The following FHIT variants were observed in gnomAD, a reference collection of about 807,000 sequenced individuals.
FHIT encodes the protein bis(5'-adenosyl)-triphosphatase.
Under a neutral mutation model 17.9 loss-of-function variants are expected in FHIT, and 19 were observed. That is an observed-to-expected ratio of 1.06 (90% CI 0.74 to 1.56). The LOEUF (loss-of-function observed/expected upper bound fraction) is 1.56. Among genes scored for constraint, FHIT ranks in the 40% most tolerant of loss-of-function variants. The pLI, the probability that FHIT is intolerant of heterozygous loss-of-function variation, is 0.00. For synonymous variants in FHIT, 81 were observed against 69.7 expected (o/e 1.16, Z -0.81); for missense variants, 248 against 189.2 (o/e 1.31, Z -1.82).
intron 4 of FHIT, among the ~76,000 whole-genome samples, chr3:60,605,096 T>A (rs570015747): frequency 6.6e-6 from 1 of 151,928 alleles, no homozygotes; most frequent in Admixed American, 6.6e-5. Flanking sequence ...GATTCTATAC[T>A]CAAACACACA....
chr3:60,137,176 A>G (rs1699849662), intron 5 of FHIT, among the ~76,000 whole-genome samples: 1 of 152,160 alleles, frequency 6.6e-6, no homozygotes, highest in Admixed American at 6.5e-5. Flanking sequence ...GCTTTTCCCA[A>G]CGGTACCTCG....
intron 3 of FHIT, among the ~76,000 whole-genome samples, chr3:60,995,864 G>C (rs1252147758): frequency 6.6e-6 from 1 of 152,160 alleles, no homozygotes; most frequent in Non-Finnish European, 1.5e-5. Context: ...TGGCCTCTCT[G>C]TATCTATTGT....
At chr3:60,018,015 A>AAC in intron 5 of FHIT, among the ~76,000 whole-genome samples, 1 of 152,210 alleles carries the variant, frequency 6.6e-6, no homozygotes, top group East Asian at 1.9e-4. Context: ...GTTATAAAAG[A>AAC]ACACCTGAAG....
intron 8 of FHIT, among the ~76,000 whole-genome samples, chr3:59,858,576 C>T (rs1047853113): frequency 1.3e-4 from 19 of 151,648 alleles, no homozygotes; most frequent in African/African-American, 2.4e-4. Flanking sequence ...GAGGCAGGAG[C>T]GAGGGGTGTC....
At chr3:60,283,900 A>C (rs1256873351) in intron 5 of FHIT, among the ~76,000 whole-genome samples, 1 of 152,104 alleles carries the variant, frequency 6.6e-6, no homozygotes, top group East Asian at 1.9e-4. Flanking sequence ...AAGACAATGT[A>C]TTCTAGTGAT....
intron 5 of FHIT, among the ~76,000 whole-genome samples, chr3:60,428,882 A>G (rs1348860477): frequency 1.3e-5 from 2 of 152,160 alleles, no homozygotes; most frequent in Non-Finnish European, 1.5e-5. Flanking sequence ...AAAATACCCA[A>G]TATGAATGGG....
intron 5 of FHIT, among the ~76,000 whole-genome samples, chr3:60,114,037 ATATATATATATATATATATATATAT>A (rs1406151025): frequency 1.6e-4 from 1 of 6,336 alleles, no homozygotes; most frequent in East Asian, 8.6e-3. Context: ...AAAAAAAAAA[ATATATATATATATATATATATATAT>A]ATATATATAT....
chr3:60,543,365 C>T (rs1472332481), intron 4 of FHIT, among the ~76,000 whole-genome samples: 1 of 151,954 alleles, frequency 6.6e-6, no homozygotes, highest in Non-Finnish European at 1.5e-5. Context: ...CTCCACTCTG[C>T]CCCTTTCAAA....
intron 8 of FHIT, among the ~76,000 whole-genome samples, chr3:59,787,182 T>C (rs897517516): frequency 1.2e-4 from 19 of 152,230 alleles, no homozygotes; most frequent in African/African-American, 4.3e-4. Flanking sequence ...GTCAGAAAGG[T>C]TAACTAACAT....
chr3:61,249,991 A>ACACACAC (rs1553886933), intron 1 of FHIT, among the ~76,000 whole-genome samples: 4 of 100,468 alleles, frequency 4.0e-5, no homozygotes, highest in African/African-American at 8.5e-5. Context: ...CACACACACA[A>ACACACAC]ACCCTAGACT....
At chr3:60,851,852 T>A (rs1445439179) in intron 3 of FHIT, among the ~76,000 whole-genome samples, 1 of 152,146 alleles carries the variant, frequency 6.6e-6, no homozygotes, top group Non-Finnish European at 1.5e-5. Context: ...GTTAAACTTG[T>A]AATATTTTAT....
At chr3:59,758,052 A>C (rs1333089898) in intron 8 of FHIT, among the ~76,000 whole-genome samples, 3 of 152,228 alleles carry the variant, frequency 2.0e-5, no homozygotes, top group Non-Finnish European at 4.4e-5. Context: ...CTACCGAACT[A>C]GAAGTTCCAT....
chr3:60,172,597 A>G (rs1472302151), intron 5 of FHIT, among the ~76,000 whole-genome samples: 1 of 152,152 alleles, frequency 6.6e-6, no homozygotes, highest in Non-Finnish European at 1.5e-5. Context: ...TTGTTAGAAT[A>G]AGAGAAAGAA....
At chr3:61,222,851 C>G (rs2039875688) in intron 1 of FHIT, among the ~76,000 whole-genome samples, 1 of 152,120 alleles carries the variant, frequency 6.6e-6, no homozygotes, top group Non-Finnish European at 1.5e-5. Flanking sequence ...GATGCTGGGA[C>G]AGACTTAGCG....
intron 5 of FHIT, among the ~76,000 whole-genome samples, chr3:60,250,929 A>C (rs1404695811): frequency 1.3e-5 from 2 of 152,040 alleles, no homozygotes; most frequent in Non-Finnish European, 2.9e-5. Flanking sequence ...AATCCCAAAA[A>C]CTCATTGTCT....
intron 5 of FHIT, among the ~76,000 whole-genome samples, chr3:60,114,919 G>A (rs1019949026): frequency 1.2e-4 from 19 of 152,120 alleles, no homozygotes; most frequent in African/African-American, 3.9e-4. Context: ...CTGAAAAGCC[G>A]CTGTCTGATA....
At chr3:61,040,366 T>C (rs1479661537) in intron 3 of FHIT, among the ~76,000 whole-genome samples, 2 of 152,202 alleles carry the variant, frequency 1.3e-5, no homozygotes, top group African/African-American at 2.4e-5. Flanking sequence ...GCAAACCTTA[T>C]TTTGCACAAA....
intron 5 of FHIT, among the ~76,000 whole-genome samples, chr3:60,031,393 T>C (rs1700994354): frequency 6.6e-6 from 1 of 152,166 alleles, no homozygotes; most frequent in South Asian, 2.1e-4. Context: ...AAGGCAGTCA[T>C]TCTAGGAAGG....
chr3:60,159,061 C>A (rs533593925), intron 5 of FHIT, among the ~76,000 whole-genome samples: 2 of 152,240 alleles, frequency 1.3e-5, no homozygotes, highest in African/African-American at 4.8e-5. Flanking sequence ...CAAGGAGCCT[C>A]TTTAGACTTT....
Sources: gnomAD v4.1 joint callset for allele counts (sites outside exome capture counted in the v4.1 genomes callset) on GRCh38, gnomAD v4.1.1 for gene constraint, MANE v1.5 for transcripts, NCBI Gene and HGNC (gene_info 2026-07-23, HGNC 2026-07-21) for gene names.